Variants in AGPS observed in about 807,000 individuals in gnomAD.
AGPS encodes the protein alkylglycerone phosphate synthase.
Under a neutral mutation model 90.7 loss-of-function variants are expected in AGPS, and 26 were observed. The ratio of observed to expected loss-of-function variants is 0.29; its 90% CI spans 0.21 to 0.40. The LOEUF (loss-of-function observed/expected upper bound fraction) is 0.40. AGPS is among the 10% of genes least tolerant of loss of function. The pLI, the probability that AGPS is intolerant of heterozygous loss-of-function variation, is 1.00. For missense variants in AGPS, 540 were observed against 816.1 expected, an observed-to-expected ratio of 0.66 and a Z score of 4.12; for synonymous variants, 294 against 285.3, an observed-to-expected ratio of 1.03 and a Z score of -0.31.
rs1030414894 is a variant in AGPS at position 177,393,088 on chromosome 2, C to T, written c.260+39C>T. The T allele has an allele frequency of 7.1e-6, 11 of 1,550,174 alleles. 1 individual carries two copies. In the Admixed American group the frequency reaches 1.8e-4, roughly 25 times the overall value. ...TGTGGAAGGAGTTAGCGTCGAGGGA[C>T]CAGGCCGGGCCTGTGCTGCAGGAGG... is the stretch of plus-strand genomic sequence containing the variant. On this transcript the variant is annotated intron_variant, in intron 1 of 19. Transcript: ENST00000264167.
At chr2:177,529,045 C>G (rs111237427) in intron 19 of AGPS, among the ~76,000 whole-genome samples, 5 of 151,490 alleles carry the variant, frequency 3.3e-5, no homozygotes, top group Admixed American at 6.6e-5. Context: ...TTAGTAGAGA[C>G]GGGGTTTCAC....
At position 177,393,108 on chromosome 2, in the gene AGPS, A is replaced by G. The variant is rs1221940673; in HGVS notation, c.260+59A>G. 4 of 1,549,852 alleles carry G rather than the reference A, an allele frequency of 2.6e-6. No homozygotes were observed. The African/African-American group carries it at 4.1e-5, about 16-fold the overall frequency. ...AGGGACCAGGCCGGGCCTGTGCTGC[A>G]GGAGGGCACAGGCGAGGTGGGAAGG... On this transcript the variant is annotated intron_variant, in intron 1 of 19. Coordinates refer to ENST00000264167, the MANE Select transcript of AGPS (RefSeq NM_003659.4).
chr2:177,416,065 A>G (rs986027081), intron 1 of AGPS, among the ~76,000 whole-genome samples: 7 of 152,190 alleles, frequency 4.6e-5, no homozygotes, highest in Non-Finnish European at 8.8e-5. Flanking sequence ...TTTTCTAGTG[A>G]AAAATATTAT....
At chr2:177,535,652 T>G (rs1235500946) in intron 19 of AGPS, among the ~76,000 whole-genome samples, 3 of 152,236 alleles carry the variant, frequency 2.0e-5, no homozygotes, top group Admixed American at 1.3e-4. Flanking sequence ...GTCTTGTTGT[T>G]AAGGCATATT....
At chr2:177,480,609 G>A (rs189142997) in intron 10 of AGPS, among the ~76,000 whole-genome samples, 3,264 of 152,136 alleles carry the variant, frequency 0.021, 77 homozygotes, top group South Asian at 0.055. Context: ...GATAGCATTA[G>A]GAGATATACC....
chr2:177,512,644 A>G (rs1351157819), intron 16 of AGPS, among the ~76,000 whole-genome samples: 1 of 152,194 alleles, frequency 6.6e-6, no homozygotes, highest in Non-Finnish European at 1.5e-5. Flanking sequence ...AAGTCTCATG[A>G]TGCTAAACAA....
At chr2:177,426,163 G>A (rs1051725027) in intron 2 of AGPS, among the ~76,000 whole-genome samples, 2 of 152,152 alleles carry the variant, frequency 1.3e-5, no homozygotes, top group African/African-American at 4.8e-5. Context: ...AATTGTGAAT[G>A]GGAGTTCATT....
At chr2:177,421,741 C>T (rs1559039207) in intron 2 of AGPS, among the ~76,000 whole-genome samples, 1 of 152,038 alleles carries the variant, frequency 6.6e-6, no homozygotes, top group Non-Finnish European at 1.5e-5. Context: ...ATGCCTAATA[C>T]AATAGAAACA....
intron 5 of AGPS, among the ~76,000 whole-genome samples, chr2:177,439,242 A>G (rs1293671273): frequency 4.6e-5 from 7 of 152,340 alleles, no homozygotes; most frequent in Admixed American, 6.5e-5. Context: ...CTCAAGTGCC[A>G]TACAATTTAC....
At chr2:177,446,803 A>G (rs1170251990) in intron 8 of AGPS, among the ~76,000 whole-genome samples, 1 of 152,170 alleles carries the variant, frequency 6.6e-6, no homozygotes, top group Non-Finnish European at 1.5e-5. Context: ...GATCTTGGTG[A>G]TATATTTCAT....
At chr2:177,473,669 T>G (rs1687691672) in intron 10 of AGPS, among the ~76,000 whole-genome samples, 1 of 152,226 alleles carries the variant, frequency 6.6e-6, no homozygotes, top group African/African-American at 2.4e-5. Flanking sequence ...ATAAATACAT[T>G]AAAACTCTAC....
In AGPS at chr2:177,538,419, G is replaced by A. The variant is rs541943721; in HGVS notation, c.*224G>A. On this transcript the variant is annotated 3_prime_UTR_variant, in exon 20 of 20. Transcript: ENST00000264167. ...TTGTAGGTACATCATTTTACATTCA[G>A]CGGTTGTCATTTCAAATTTTAGTCA... 9.1e-6 allele frequency: 5 copies of A among 552,058 alleles called. No homozygotes were observed. In the South Asian group the frequency reaches 1.1e-4, roughly 12 times the overall value. The allele number at this position is 552,058 out of a possible 1,614,324, so 34.2% of individuals were successfully genotyped here. A position where few individuals can be genotyped will look rare whatever the true frequency, so the allele number is the denominator to read the frequency against.
intron 19 of AGPS, among the ~76,000 whole-genome samples, chr2:177,535,595 G>A (rs2079176402): frequency 6.6e-6 from 1 of 152,056 alleles, no homozygotes; most frequent in Admixed American, 6.6e-5. Flanking sequence ...ATCCATGTGG[G>A]GTAACTACAT....
At chr2:177,420,743 G>A (rs1354375913) in intron 2 of AGPS, among the ~76,000 whole-genome samples, 1 of 151,684 alleles carries the variant, frequency 6.6e-6, no homozygotes. Flanking sequence ...ATGTCTATAA[G>A]CCACCCACCA....
Position 177,538,257 on chromosome 2 carries a change from A to G in AGPS, c.*62A>G. ...TTTTTAAGTTTTCAACTGTGGTTAT[A>G]CTAGTAATCAAATATATCATGGACT... On this transcript the variant is annotated 3_prime_UTR_variant, in exon 20 of 20. Coordinates refer to ENST00000264167, the MANE Select transcript of AGPS (RefSeq NM_003659.4). The G allele has an allele frequency of 2.7e-6, 4 of 1,505,032 alleles. No homozygotes were observed. 93.2% of individuals were successfully genotyped at this position (1,505,032 alleles called of 1,614,324 possible).
In AGPS at chr2:177,425,621, A is replaced by AG. The variant is rs1475458451; in HGVS notation, c.350+5264dup. 5.9e-3 allele frequency among the ~76,000 whole-genome samples: 388 copies of AG among 65,712 alleles called. 1 individual carries two copies. Among genetic ancestry groups the AG allele is most frequent in the African/African-American group, 0.018 (349 of 19,804 alleles). 43.1% of individuals were successfully genotyped at this position (65,712 alleles called of 152,430 possible). ...GGGCAACAAGAGTGAAACTCTGCCT[A>AG]GAAAAAAAAAAAAAAAAAAAAAAGG... On this transcript the variant is annotated intron_variant, in intron 2 of 19. Transcript: ENST00000264167.
chr2:177,530,879 A>G (rs937290703), intron 19 of AGPS, among the ~76,000 whole-genome samples: 19 of 152,184 alleles, frequency 1.2e-4, no homozygotes, highest in African/African-American at 4.3e-4. Context: ...AGCAAAGTTT[A>G]TGTCAGCCAT....
rs187791439 is a variant in AGPS, at chr2:177,393,236, C to T, written c.260+187C>T. ...ACCCTGGATTCTGTCAGGAAGGGGGCGGGATGGGATGGTGGATTTTGGTCA... is the reference window on the plus strand; with the variant it reads ...ACCCTGGATTCTGTCAGGAAGGGGGTGGGATGGGATGGTGGATTTTGGTCA... On this transcript the variant is annotated intron_variant, in intron 1 of 19. Transcript: ENST00000264167. The T allele has an allele frequency of 8.0e-5, 79 of 985,018 alleles. 1 individual carries two copies. In the African/African-American group the frequency reaches 8.2e-4, roughly 10 times the overall value. 61.0% of individuals were successfully genotyped at this position (985,018 alleles called of 1,614,324 possible).
At chr2:177,493,055 C>A in intron 11 of AGPS, 93 bp from the exon 12 acceptor site, 1 of 1,169,344 alleles carries the variant, frequency 8.6e-7, no homozygotes, top group Non-Finnish European at 1.2e-6. Flanking sequence ...AGCTCTTGAT[C>A]TCTTAAATAT....
Sources: gnomAD v4.1 joint callset for allele counts (sites outside exome capture counted in the v4.1 genomes callset) on GRCh38, gnomAD v4.1.1 for gene constraint, MANE v1.5 for transcripts, NCBI Gene and HGNC (gene_info 2026-07-23, HGNC 2026-07-21) for gene names.